The following UTRN variants were observed in gnomAD, a reference collection of about 807,000 sequenced individuals.
The protein encoded by UTRN is utrophin.
A neutral mutation model predicts 463.9 loss-of-function variants in UTRN; 283 were observed. The observed-to-expected ratio is 0.61, with a 90% confidence interval of 0.55 to 0.67. The LOEUF (loss-of-function observed/expected upper bound fraction) is 0.67, where lower values mean the gene tolerates loss of function less well. Among genes scored for constraint, UTRN ranks in the 30% least tolerant of loss-of-function variants. The probability of loss-of-function intolerance (pLI) is 0.00; values close to 1 mark genes in which losing one functional copy is unlikely to be tolerated. For synonymous variants in UTRN, 1,442 were observed against 1,431.5 expected (o/e 1.01, Z -0.17); for missense variants, 3,922 against 4,084.3 (o/e 0.96, Z 1.08).
Position 144,491,010 on chromosome 6 carries a change from C to G in UTRN, c.4345C>G (p.Arg1449Gly), listed in dbSNP as rs367914911. The change falls in exon 32 of 75, where the codon CGT (arginine) becomes GGT (glycine). Residue 1449 changes from arginine (R) to glycine (G), a missense_variant. This residue lies in a region of UTRN where 2,349 missense variants were observed against 2,303.8 expected (regional missense o/e 1.02). Coordinates refer to ENST00000367545, the MANE Select transcript of UTRN (RefSeq NM_007124.3). ...CGAGCAGCGCATGCTGGACTGCAAG[C>G]GTGTGCTGGATGGCGTGAAAGCAGA... ...NFEQRMLDCK[R>G]VLDGVKAELH... The G allele has an allele frequency of 1.9e-6, 3 of 1,614,016 alleles. No homozygotes were observed. The highest frequency in any genetic ancestry group is 1.7e-6 in the Non-Finnish European group (2 of 1,179,962).
intron 14 of UTRN, among the ~76,000 whole-genome samples, chr6:144,445,402 C>G (rs1787573256): frequency 6.6e-6 from 1 of 150,550 alleles, no homozygotes; most frequent in Non-Finnish European, 1.5e-5. Context: ...TCTCAGTGTC[C>G]ATTTTGATTC....
chr6:144,318,721 C>G (rs1175852469), intron 2 of UTRN, among the ~76,000 whole-genome samples: 2 of 152,306 alleles, frequency 1.3e-5, no homozygotes, highest in Admixed American at 1.3e-4. Flanking sequence ...GTCTCGGGCT[C>G]CCAAAGTGCT....
rs569208154 is a variant in UTRN at position 144,378,470 on chromosome 6, G to A, written c.80-24653G>A. Among the ~76,000 whole-genome samples the A allele has an allele frequency of 9.9e-4, 151 of 152,318 alleles. 1 individual carries two copies. Among genetic ancestry groups the A allele is most frequent in the Admixed American group, 5.8e-3 (88 of 15,292 alleles). ...GAAAACAGGTTGCCTTTAGAGACTGGAGGAGTCGTCCAGAAGTCCGCTCTG... is the reference window on the plus strand; with the variant it reads ...GAAAACAGGTTGCCTTTAGAGACTGAAGGAGTCGTCCAGAAGTCCGCTCTG... On this transcript the variant is annotated intron_variant, in intron 2 of 74. Coordinates refer to ENST00000367545, the MANE Select transcript of UTRN (RefSeq NM_007124.3).
chr6:144,651,532 A>G (rs1585789396), intron 51 of UTRN, among the ~76,000 whole-genome samples: 1 of 152,222 alleles, frequency 6.6e-6, no homozygotes, highest in African/African-American at 2.4e-5. Flanking sequence ...AATATATACT[A>G]TAGGGCCAGG....
intron 51 of UTRN, among the ~76,000 whole-genome samples, chr6:144,671,766 C>A (rs1351880062): frequency 6.6e-6 from 1 of 152,002 alleles, no homozygotes; most frequent in African/African-American, 2.4e-5. Context: ...TTAACTTTTC[C>A]CCATTAAGTA....
At chr6:144,557,071 C>A in intron 49 of UTRN, 86 bp from the exon 50 acceptor site, 1 of 1,488,250 alleles carries the variant, frequency 6.7e-7, no homozygotes, top group Non-Finnish European at 9.0e-7. Context: ...TAAAGCATGT[C>A]AAAATCTGCT....
At position 144,487,452 on chromosome 6, in the gene UTRN, A is replaced by G. The variant is rs1007917839; in HGVS notation, c.3823-96A>G. 11 of 1,263,140 alleles carry G rather than the reference A, an allele frequency of 8.7e-6. No individual in the cohort carries two copies. In the Admixed American group the frequency reaches 1.8e-4, roughly 20 times the overall value. 78.2% of individuals were successfully genotyped at this position (1,263,140 alleles called of 1,614,324 possible). On this transcript the variant is annotated intron_variant, in intron 28 of 74. Transcript: ENST00000367545. Reference sequence around the variant, plus strand: ...TTACTTAGGTAGATTTTTAGAAAATATAATTACTTGTTTAACAAATAGACA... The same window carrying G: ...TTACTTAGGTAGATTTTTAGAAAATGTAATTACTTGTTTAACAAATAGACA...
At chr6:144,605,224 T>C (rs1417247311) in intron 51 of UTRN, among the ~76,000 whole-genome samples, 1 of 152,176 alleles carries the variant, frequency 6.6e-6, no homozygotes, top group Non-Finnish European at 1.5e-5. Flanking sequence ...ATGACAGTTA[T>C]ATATCCAAAA....
chr6:144,797,630 CT>C, intron 63 of UTRN, 193 bp from the exon 64 acceptor site: 1 of 480,792 alleles, frequency 2.1e-6, no homozygotes, highest in Non-Finnish European at 3.4e-6. Flanking sequence ...GTGACAATTT[CT>C]GCTTTTTCTA....
intron 2 of UTRN, among the ~76,000 whole-genome samples, chr6:144,303,036 C>G (rs1338010127): frequency 6.6e-6 from 1 of 152,110 alleles, no homozygotes; most frequent in African/African-American, 2.4e-5. Flanking sequence ...TAATGACTAG[C>G]TCAGAACTGT....
chr6:144,421,153 C>G (rs1784800756), intron 3 of UTRN, among the ~76,000 whole-genome samples: 1 of 152,018 alleles, frequency 6.6e-6, no homozygotes, highest in African/African-American at 2.4e-5. Context: ...ATTGCAGGTG[C>G]CTACCGCCAT....
chr6:144,538,988 G>C (rs1797775160), intron 44 of UTRN, among the ~76,000 whole-genome samples: 1 of 152,182 alleles, frequency 6.6e-6, no homozygotes, highest in East Asian at 1.9e-4. Flanking sequence ...GGAGTAGCAA[G>C]GAGGAGATAA....
chr6:144,852,342 A>G lies in UTRN; in HGVS notation c.*1345A>G, dbSNP rs950771154. The G allele has an allele frequency of 1.3e-5, 2 of 152,168 alleles. No homozygotes were observed. Among genetic ancestry groups the G allele is most frequent in the African/African-American group, 4.8e-5 (2 of 41,434 alleles). 9.4% of individuals were successfully genotyped at this position (152,168 alleles called of 1,614,324 possible). A position where few individuals can be genotyped will look rare whatever the true frequency, so the allele number is the denominator to read the frequency against. On this transcript the variant is annotated 3_prime_UTR_variant, in exon 75 of 75. Coordinates refer to ENST00000367545, the MANE Select transcript of UTRN (RefSeq NM_007124.3). The stretch of plus-strand genomic sequence containing the variant: ...TTCAGTTTAAACATGTTACTTAATT[A>G]GCAAATGTAGAGGAACCAAAAAAAG...
At chr6:144,622,621 A>G (rs1255920892) in intron 51 of UTRN, among the ~76,000 whole-genome samples, 1 of 152,236 alleles carries the variant, frequency 6.6e-6, no homozygotes, top group Admixed American at 6.5e-5. Flanking sequence ...TGGAATAATA[A>G]TGTGTCTTTT....
chr6:144,467,748 A>G (rs899978923), intron 23 of UTRN, among the ~76,000 whole-genome samples: 3 of 152,218 alleles, frequency 2.0e-5, no homozygotes, highest in African/African-American at 7.2e-5. Context: ...TAGGTAACAT[A>G]TAATTGATAT....
chr6:144,615,575 T>G (rs1805996359), intron 51 of UTRN, among the ~76,000 whole-genome samples: 1 of 152,158 alleles, frequency 6.6e-6, no homozygotes, highest in Admixed American at 6.6e-5. Context: ...TCACGCTTGA[T>G]TGCTCATTTT....
chr6:144,373,285 G>A (rs550013992), intron 2 of UTRN, among the ~76,000 whole-genome samples: 2 of 152,260 alleles, frequency 1.3e-5, no homozygotes, highest in South Asian at 2.1e-4. Context: ...ATCAGCCGAC[G>A]AATGGATCAA....
chr6:144,533,292 G>A, intron 43 of UTRN, 32 bp downstream of exon 43: 1 of 1,606,270 alleles, frequency 6.2e-7, no homozygotes, highest in Non-Finnish European at 8.5e-7. Flanking sequence ...GCAGGCACAG[G>A]AGTGAACATA....
At chr6:144,635,847 C>A (rs1777115772) in intron 51 of UTRN, among the ~76,000 whole-genome samples, 1 of 151,870 alleles carries the variant, frequency 6.6e-6, no homozygotes, top group African/African-American at 2.4e-5. Context: ...CCTAGGCCCC[C>A]CTGCTGCCTT....
Sources: gnomAD v4.1 joint callset for allele counts (sites outside exome capture counted in the v4.1 genomes callset) on GRCh38, gnomAD v4.1.1 for gene constraint, gnomAD v4.1.1 regional missense constraint, MANE v1.5 for transcripts, NCBI Gene and HGNC (gene_info 2026-07-23, HGNC 2026-07-21) for gene names.